TLN2: variants seen among roughly 807,000 people sequenced by gnomAD.
TLN2 encodes talin-2.
In TLN2, 118 loss-of-function variants were observed where a neutral mutation model predicts 294.7. That is an observed-to-expected ratio of 0.40 (90% confidence interval 0.34 to 0.47). The LOEUF is 0.47. Ranked by LOEUF, TLN2 falls within the 20% of genes least tolerant of loss-of-function variation. The probability of loss-of-function intolerance (pLI) is 0.84; values close to 1 mark genes in which losing one functional copy is unlikely to be tolerated. For missense variants in TLN2, 3,083 were observed against 3,282.2 expected, an observed-to-expected ratio of 0.94 and a Z score of 1.48; for synonymous variants, 1,431 against 1,304.5, an observed-to-expected ratio of 1.10 and a Z score of -2.09.
In TLN2 at chr15:62,576,274, AAAT is replaced by A. The variant is rs1266637346; in HGVS notation, c.-237-13410_-237-13408del. On this transcript the variant is annotated intron_variant, in intron 1 of 58. Transcript: ENST00000636159. ...GTGAGACCCCGTCTCAAAAAAAAAA[AAAT>A]AAATAAAAATAAAAATAAAGCTGTA... 4.1e-3 allele frequency among the ~76,000 whole-genome samples: 389 copies of A among 95,266 alleles called. 4 individuals are homozygous for A. The highest frequency in any genetic ancestry group is 0.013 in the African/African-American group (364 of 27,698). 62.5% of individuals were successfully genotyped at this position (95,266 alleles called of 152,430 possible). A position where few individuals can be genotyped will look rare whatever the true frequency, so the allele number is the denominator to read the frequency against.
chr15:62,610,638 C>T (rs1207599626), intron 2 of TLN2, among the ~76,000 whole-genome samples: 4 of 152,158 alleles, frequency 2.6e-5, no homozygotes, highest in Admixed American at 6.5e-5. Context: ...GAAACGGAGA[C>T]GTTTAGGAGA....
intron 2 of TLN2, among the ~76,000 whole-genome samples, chr15:62,610,737 T>C (rs1395303426): frequency 6.6e-6 from 1 of 152,202 alleles, no homozygotes; most frequent in Non-Finnish European, 1.5e-5. Context: ...TCTGCACTCG[T>C]CCATGAGGGA....
chr15:62,602,211 A>AT (rs1328030098), intron 2 of TLN2, among the ~76,000 whole-genome samples: 1 of 152,150 alleles, frequency 6.6e-6, no homozygotes, highest in Non-Finnish European at 1.5e-5. Context: ...GATGGGCAGG[A>AT]TTTTTACTTA....
At chr15:62,543,384 A>G (rs941224430) in intron 1 of TLN2, among the ~76,000 whole-genome samples, 5 of 152,222 alleles carry the variant, frequency 3.3e-5, no homozygotes, top group African/African-American at 1.2e-4. Flanking sequence ...ATTATGTGCA[A>G]TGTGGACATG....
intron 28 of TLN2, among the ~76,000 whole-genome samples, chr15:62,733,156 AAAG>A (rs1184621466): frequency 3.3e-5 from 5 of 152,226 alleles, no homozygotes; most frequent in Non-Finnish European, 7.3e-5. Flanking sequence ...TCTTTGAAAG[AAAG>A]AAGAACATGG....
At position 62,528,103 on chromosome 15, in the gene TLN2, AT is replaced by A. The variant is rs577850899; in HGVS notation, c.-237-61579del. Among the ~76,000 whole-genome samples, 98 of 152,294 alleles carry A rather than the reference AT, an allele frequency of 6.4e-4. 1 individual carries two copies. In the South Asian group the frequency reaches 0.02, roughly 31 times the overall value. ...TACTTTTGTTCATTAAAATTAGTTT[AT>A]TTTTATATAGTTTACATTCCATTAA... On this transcript the variant is annotated intron_variant, in intron 1 of 58. Transcript: ENST00000636159.
At chr15:62,696,314 G>A (rs1028508865) in intron 14 of TLN2, among the ~76,000 whole-genome samples, 4 of 152,180 alleles carry the variant, frequency 2.6e-5, no homozygotes, top group African/African-American at 9.7e-5. Flanking sequence ...TTTGTCCACT[G>A]GGCTTCTGAG....
chr15:62,780,646 A>C (rs571298943), intron 43 of TLN2, among the ~76,000 whole-genome samples: 1 of 152,192 alleles, frequency 6.6e-6, no homozygotes, highest in African/African-American at 2.4e-5. Flanking sequence ...AATTCCTTCT[A>C]TTCCCCGATT....
intron 19 of TLN2, among the ~76,000 whole-genome samples, chr15:62,703,074 T>C (rs527867031): frequency 7.2e-5 from 11 of 152,238 alleles, no homozygotes; most frequent in African/African-American, 2.4e-4. Context: ...CCATGCGTCA[T>C]CATTGTAAAG....
chr15:62,821,448 A>T (rs939009025), intron 54 of TLN2, among the ~76,000 whole-genome samples: 1 of 152,250 alleles, frequency 6.6e-6, no homozygotes, highest in African/African-American at 2.4e-5. Flanking sequence ...GCTGGATTCC[A>T]CCAATTTAGG....
intron 1 of TLN2, among the ~76,000 whole-genome samples, chr15:62,502,448 G>T (rs1487998807): frequency 6.6e-6 from 1 of 152,228 alleles, no homozygotes; most frequent in East Asian, 1.9e-4. Flanking sequence ...GTCAGCCAGG[G>T]TGTCAAGCCT....
At chr15:62,778,825 T>A (rs1002495215) in intron 43 of TLN2, among the ~76,000 whole-genome samples, 1 of 152,232 alleles carries the variant, frequency 6.6e-6, no homozygotes, top group Non-Finnish European at 1.5e-5. Context: ...GTTTCAATGT[T>A]GCCCCTAAAC....
chr15:62,402,225 C>CAT (rs2033077218), intron 1 of TLN2, among the ~76,000 whole-genome samples: 1 of 152,182 alleles, frequency 6.6e-6, no homozygotes, highest in African/African-American at 2.4e-5. Context: ...TTCTGACCCA[C>CAT]TAAACTGATT....
intron 11 of TLN2, among the ~76,000 whole-genome samples, chr15:62,676,358 G>A (rs537853203): frequency 6.6e-6 from 1 of 152,082 alleles, no homozygotes; most frequent in African/African-American, 2.4e-5. Flanking sequence ...ATCCAAAATC[G>A]CTGGGGCCTT....
At chr15:62,697,932 C>A (rs965183554) in intron 15 of TLN2, 64 bp downstream of exon 15, 9 of 1,559,176 alleles carry the variant, frequency 5.8e-6, no homozygotes, top group Non-Finnish European at 7.8e-6. Context: ...AGGGTGGACA[C>A]CAGCGGCGGT....
intron 1 of TLN2, among the ~76,000 whole-genome samples, chr15:62,481,536 A>G (rs755173213): frequency 1.3e-4 from 19 of 151,400 alleles, no homozygotes; most frequent in Non-Finnish European, 2.7e-4. Flanking sequence ...CTAATTTTTT[A>G]TTTTTTGTAG....
chr15:62,718,673 T>C (rs2059935360), intron 24 of TLN2, among the ~76,000 whole-genome samples: 1 of 152,212 alleles, frequency 6.6e-6, no homozygotes, highest in African/African-American at 2.4e-5. Flanking sequence ...AGAAGGAGTC[T>C]TGCTGAGAGT....
At position 62,582,245 on chromosome 15, in the gene TLN2, CA is replaced by C. The variant is rs1567138303; in HGVS notation, c.-237-7441del. Among the ~76,000 whole-genome samples, 30 of 144,790 alleles carry C rather than the reference CA, an allele frequency of 2.1e-4. 1 individual carries two copies. The highest frequency in any genetic ancestry group is 5.9e-4 in the African/African-American group (23 of 39,266). The allele number at this position is 144,790 out of a possible 152,430, so 95.0% of individuals were successfully genotyped here. ...ACACACACACACACACACACACACA[CA>C]CATTCATGCCTGACCCATTCCTGAC... On this transcript the variant is annotated intron_variant, in intron 1 of 58. Transcript: ENST00000636159.
At chr15:62,752,786 T>G in intron 35 of TLN2, among the ~76,000 whole-genome samples, 1 of 152,260 alleles carries the variant, frequency 6.6e-6, no homozygotes, top group East Asian at 1.9e-4. Flanking sequence ...GAAACTGTTA[T>G]GTCATGCTCT....
Sources: gnomAD v4.1 joint callset for allele counts (sites outside exome capture counted in the v4.1 genomes callset) on GRCh38, gnomAD v4.1.1 for gene constraint, MANE v1.5 for transcripts, NCBI Gene and HGNC (gene_info 2026-07-23, HGNC 2026-07-21) for gene names.